The following IKZF3 variants were observed in gnomAD, a reference collection of about 807,000 sequenced individuals.
IKZF3 encodes IKAROS family zinc finger 3.
IKZF3 carries 10 observed loss-of-function variants against 49.0 expected under a neutral mutation model. That is an observed-to-expected ratio of 0.20 (90% CI 0.13 to 0.35). The LOEUF is 0.35. Ranked by LOEUF, IKZF3 falls within the 10% of genes least tolerant of loss-of-function variation. The pLI is 1.00. For synonymous variants in IKZF3, 209 were observed against 228.2 expected, an observed-to-expected ratio of 0.92 and a Z score of 0.76; for missense variants, 498 against 664.8, an observed-to-expected ratio of 0.75 and a Z score of 2.76.
intron 3 of IKZF3, among the ~76,000 whole-genome samples, chr17:39,801,089 C>A (rs770018399): frequency 1.3e-5 from 2 of 152,114 alleles, no homozygotes; most frequent in East Asian, 3.8e-4. Flanking sequence ...GAAGTAATAT[C>A]CTCAGGTCTG....
At chr17:39,779,091 C>G (rs986246579) in intron 6 of IKZF3, among the ~76,000 whole-genome samples, 1 of 152,184 alleles carries the variant, frequency 6.6e-6, no homozygotes, top group Non-Finnish European at 1.5e-5. Context: ...GTGGCAATAT[C>G]TAATCAACTA....
At chr17:39,822,109 G>A (rs2061824279) in intron 3 of IKZF3, among the ~76,000 whole-genome samples, 1 of 152,124 alleles carries the variant, frequency 6.6e-6, no homozygotes, top group Non-Finnish European at 1.5e-5. Flanking sequence ...CCCTGAGAAA[G>A]GGAACTATCT....
At chr17:39,859,321 G>A (rs1440679959) in intron 1 of IKZF3, among the ~76,000 whole-genome samples, 1 of 149,702 alleles carries the variant, frequency 6.7e-6, no homozygotes, top group African/African-American at 2.5e-5. Flanking sequence ...TATAATTATT[G>A]TTTCATTATT....
At chr17:39,786,591 T>C (rs1191461232) in intron 6 of IKZF3, among the ~76,000 whole-genome samples, 3 of 152,114 alleles carry the variant, frequency 2.0e-5, no homozygotes, top group Non-Finnish European at 1.5e-5. Context: ...AAAGAGAAGA[T>C]GTCAAAACCC....
chr17:39,852,626 C>G (rs911414476), intron 1 of IKZF3, among the ~76,000 whole-genome samples: 2 of 151,938 alleles, frequency 1.3e-5, no homozygotes, highest in African/African-American at 2.4e-5. Flanking sequence ...TCCTGAGAGC[C>G]CTTCTCTCAA....
At chr17:39,846,931 C>T (rs1156636137) in intron 1 of IKZF3, among the ~76,000 whole-genome samples, 2 of 151,948 alleles carry the variant, frequency 1.3e-5, no homozygotes, top group African/African-American at 4.8e-5. Context: ...TGTCAGGCAC[C>T]AGAGGTGCCT....
chr17:39,834,648 G>T (rs2062210676), intron 1 of IKZF3, among the ~76,000 whole-genome samples: 1 of 152,108 alleles, frequency 6.6e-6, no homozygotes, highest in African/African-American at 2.4e-5. Context: ...TGGTGTTCTT[G>T]GTGAATGTGC....
chr17:39,843,732 G>A (rs1270195656), intron 1 of IKZF3, among the ~76,000 whole-genome samples: 2 of 151,630 alleles, frequency 1.3e-5, no homozygotes, highest in Non-Finnish European at 2.9e-5. Context: ...GCTTGAACAC[G>A]GGGGGCAGAG....
At chr17:39,809,125 C>T (rs2061496285) in intron 3 of IKZF3, among the ~76,000 whole-genome samples, 2 of 152,140 alleles carry the variant, frequency 1.3e-5, no homozygotes, top group African/African-American at 2.4e-5. Flanking sequence ...AAATATCTAT[C>T]GTGATCCCAT....
intron 1 of IKZF3, among the ~76,000 whole-genome samples, chr17:39,840,184 A>G (rs1245327475): frequency 6.6e-6 from 1 of 152,228 alleles, no homozygotes; most frequent in Non-Finnish European, 1.5e-5. Flanking sequence ...CAGTTGGGCT[A>G]TTTAGAGTGT....
In IKZF3 at chr17:39,760,550, C is replaced by G. The variant is rs1474245854; in HGVS notation, c.*5240G>C. Reference sequence around the variant, plus strand: ...TGTTGGTCAGGCTGGTCTCGAACTCCCAAACTCAGGTGATCCGCCCGCCTT... The same window carrying G: ...TGTTGGTCAGGCTGGTCTCGAACTCGCAAACTCAGGTGATCCGCCCGCCTT... On this transcript the variant is annotated 3_prime_UTR_variant, in exon 8 of 8. Coordinates refer to ENST00000346872, the MANE Select transcript of IKZF3 (RefSeq NM_012481.5). The G allele has an allele frequency of 6.6e-6, 1 of 152,314 alleles. No individual in the cohort carries two copies. The highest frequency in any genetic ancestry group is 1.9e-4 in the East Asian group (1 of 5,196). 9.4% of individuals were successfully genotyped at this position (152,314 alleles called of 1,614,324 possible).
chr17:39,783,489 T>C (rs1315407620), intron 6 of IKZF3, among the ~76,000 whole-genome samples: 1 of 152,112 alleles, frequency 6.6e-6, no homozygotes, highest in East Asian at 1.9e-4. Context: ...GCCTGGCTAA[T>C]TTTTGTATTT....
chr17:39,840,426 T>G (rs2062433052), intron 1 of IKZF3, among the ~76,000 whole-genome samples: 1 of 152,222 alleles, frequency 6.6e-6, no homozygotes, highest in Non-Finnish European at 1.5e-5. Context: ...GTGATAATTT[T>G]TTTAATATTT....
At chr17:39,855,210 A>G (rs2063001528) in intron 1 of IKZF3, among the ~76,000 whole-genome samples, 1 of 152,144 alleles carries the variant, frequency 6.6e-6, no homozygotes, top group Non-Finnish European at 1.5e-5. Flanking sequence ...GATCCCACAT[A>G]AGATTTTGGT....
At chr17:39,777,865 G>A in intron 6 of IKZF3, 98 bp from the exon 7 acceptor site, 1 of 1,538,228 alleles carries the variant, frequency 6.5e-7, no homozygotes, top group Admixed American at 2.0e-5. Context: ...GAAGTTGGAT[G>A]CACACTCTAT....
intron 3 of IKZF3, among the ~76,000 whole-genome samples, chr17:39,818,902 TTAAAG>T (rs978678749): frequency 6.6e-6 from 1 of 152,144 alleles, no homozygotes; most frequent in Admixed American, 6.6e-5. Flanking sequence ...TGAATGAAGC[TTAAAG>T]TAAATAACTG....
chr17:39,782,001 C>A (rs886978311), intron 6 of IKZF3, among the ~76,000 whole-genome samples: 1 of 152,172 alleles, frequency 6.6e-6, no homozygotes, highest in African/African-American at 2.4e-5. Flanking sequence ...GACTCCTGTT[C>A]ACCCACACCC....
rs1247842821 is a variant in IKZF3, at chr17:39,763,453, T to C, written c.*2337A>G. ...TAAATAGGCTCCATGAAGTTGTCCCTGGAAGCAGAATTTATTTTCCCTAAC... is the reference window on the plus strand; with the variant it reads ...TAAATAGGCTCCATGAAGTTGTCCCCGGAAGCAGAATTTATTTTCCCTAAC... On this transcript the variant is annotated 3_prime_UTR_variant, in exon 8 of 8. Transcript: ENST00000346872. 6.6e-6 allele frequency: 1 copy of C among 152,052 alleles called. No individual in the cohort carries two copies. The highest frequency in any genetic ancestry group is 1.5e-5 in the Non-Finnish European group (1 of 68,014). 9.4% of individuals were successfully genotyped at this position (152,052 alleles called of 1,614,324 possible). A position where few individuals can be genotyped will look rare whatever the true frequency, so the allele number is the denominator to read the frequency against.
chr17:39,814,915 G>A (rs1341515479), intron 3 of IKZF3, among the ~76,000 whole-genome samples: 1 of 152,168 alleles, frequency 6.6e-6, no homozygotes, highest in Non-Finnish European at 1.5e-5. Context: ...GGGTAAATGT[G>A]CAACTCAGGC....
Sources: allele counts gnomAD v4.1 joint callset (sites outside exome capture counted in the v4.1 genomes callset), GRCh38; gene constraint gnomAD v4.1.1; transcripts MANE v1.5; gene names NCBI Gene and HGNC (gene_info 2026-07-23, HGNC 2026-07-21).